Variants in CCDC178 observed in about 807,000 individuals in gnomAD.
The protein encoded by CCDC178 is coiled-coil domain-containing protein 178.
Under a neutral mutation model 117.4 loss-of-function variants are expected in CCDC178, and 126 were observed. That is an observed-to-expected ratio of 1.07 (90% CI 0.93 to 1.24). The LOEUF (loss-of-function observed/expected upper bound fraction) is 1.24. CCDC178 is among the 50% of genes most tolerant of loss of function. CCDC178 has a pLI of 0.00. For synonymous variants in CCDC178, 283 were observed against 313.4 expected (o/e 0.90, Z 1.02); for missense variants, 1,030 against 986.9 (o/e 1.04, Z -0.59).
chr18:32,986,150 G>C (rs1322276661), intron 21 of CCDC178, among the ~76,000 whole-genome samples: 1 of 152,018 alleles, frequency 6.6e-6, no homozygotes, highest in East Asian at 1.9e-4. Flanking sequence ...TCTGAAGAGT[G>C]CTTTAATTTT....
At chr18:33,194,289 G>A (rs1249540420) in intron 20 of CCDC178, among the ~76,000 whole-genome samples, 1 of 152,114 alleles carries the variant, frequency 6.6e-6, no homozygotes, top group African/African-American at 2.4e-5. Context: ...TTGCCACTTA[G>A]AGTAGTTATG....
intron 21 of CCDC178, among the ~76,000 whole-genome samples, chr18:32,996,192 A>G (rs1437261721): frequency 6.6e-6 from 1 of 151,956 alleles, no homozygotes; most frequent in African/African-American, 2.4e-5. Context: ...AAATCCTGAG[A>G]ACAGCATTAA....
chr18:33,408,246 T>TA (rs965537091), intron 3 of CCDC178, among the ~76,000 whole-genome samples: 23 of 151,422 alleles, frequency 1.5e-4, no homozygotes, highest in African/African-American at 5.3e-4. Context: ...TTACAAACCA[T>TA]AAAAAAAATT....
chr18:33,196,967 A>G (rs1422538107), intron 20 of CCDC178, among the ~76,000 whole-genome samples: 1 of 152,138 alleles, frequency 6.6e-6, no homozygotes, highest in African/African-American at 2.4e-5. Flanking sequence ...AAGTCACTTG[A>G]TCACAAAGTT....
At chr18:33,047,539 G>C (rs1399457093) in intron 21 of CCDC178, among the ~76,000 whole-genome samples, 1 of 152,106 alleles carries the variant, frequency 6.6e-6, no homozygotes, top group Non-Finnish European at 1.5e-5. Flanking sequence ...CCATCTGCCA[G>C]CAAGTTCTTT....
chr18:33,293,305 T>A lies in CCDC178; in HGVS notation c.1030A>T (p.Ile344Leu). ...EKTIEAYKRE[I>L]YQLNSLFDHY... ...TCAAATAGACTGTTAAGTTGATATATCTCTCTCCTAGGGATAAAAACACAG... is the reference window on the plus strand; with the variant it reads ...TCAAATAGACTGTTAAGTTGATATAACTCTCTCCTAGGGATAAAAACACAG... Residue 344 changes from isoleucine to leucine, a missense_variant, in exon 12 of 23, where the codon ATA (isoleucine) becomes TTA (leucine). By Grantham distance (5) the Ile-to-Leu change is conservative (BLOSUM62 2). Transcript: ENST00000383096. The A allele has an allele frequency of 6.7e-7, 1 of 1,493,984 alleles. No individual in the cohort carries two copies. Among genetic ancestry groups the A allele is most frequent in the Non-Finnish European group, 9.2e-7 (1 of 1,082,808 alleles). 92.5% of individuals were successfully genotyped at this position (1,493,984 alleles called of 1,614,324 possible).
chr18:33,026,459 T>C (rs1435176142), intron 21 of CCDC178, among the ~76,000 whole-genome samples: 1 of 152,034 alleles, frequency 6.6e-6, no homozygotes, highest in Non-Finnish European at 1.5e-5. Flanking sequence ...CTTTAAAAAA[T>C]AATAGTGCTC....
chr18:33,053,552 T>A (rs2056779955), intron 21 of CCDC178, among the ~76,000 whole-genome samples: 1 of 152,200 alleles, frequency 6.6e-6, no homozygotes. Flanking sequence ...AAATAAGAGT[T>A]TCCAGGGGTA....
chr18:33,397,047 A>G, intron 4 of CCDC178, 102 bp downstream of exon 4: 1 of 744,656 alleles, frequency 1.3e-6, no homozygotes. Flanking sequence ...TAGGAAGAAC[A>G]GAAGAATGCC....
chr18:33,283,766 G>A (rs76075300), intron 12 of CCDC178, among the ~76,000 whole-genome samples: 1 of 152,176 alleles, frequency 6.6e-6, no homozygotes, highest in Non-Finnish European at 1.5e-5. Context: ...ACAGATGCTG[G>A]TGAGATTGTG....
At chr18:32,951,933 G>T (rs972132715) in intron 22 of CCDC178, among the ~76,000 whole-genome samples, 2 of 152,148 alleles carry the variant, frequency 1.3e-5, no homozygotes, top group Non-Finnish European at 2.9e-5. Context: ...ATCCAATAGG[G>T]CAGTCATTAA....
chr18:33,080,673 T>C (rs2057282996), intron 21 of CCDC178, among the ~76,000 whole-genome samples: 1 of 152,204 alleles, frequency 6.6e-6, no homozygotes, highest in African/African-American at 2.4e-5. Flanking sequence ...CCTAGCAAAC[T>C]AATACAGTAG....
At chr18:33,126,752 G>T (rs563256624) in intron 20 of CCDC178, among the ~76,000 whole-genome samples, 1 of 151,834 alleles carries the variant, frequency 6.6e-6, no homozygotes, top group African/African-American at 2.4e-5. Flanking sequence ...TCTGCCTCCT[G>T]GGTTTAAGTG....
At chr18:32,980,953 G>A (rs886151034) in intron 21 of CCDC178, among the ~76,000 whole-genome samples, 2 of 152,120 alleles carry the variant, frequency 1.3e-5, no homozygotes, top group Non-Finnish European at 2.9e-5. Flanking sequence ...ACATACTCTA[G>A]ACTTGCTATA....
intron 22 of CCDC178, among the ~76,000 whole-genome samples, chr18:32,950,182 A>G (rs972314031): frequency 1.2e-4 from 18 of 152,216 alleles, no homozygotes; most frequent in African/African-American, 4.3e-4. Context: ...GTAAACCTCC[A>G]GAGAGAATCT....
intron 15 of CCDC178, among the ~76,000 whole-genome samples, chr18:33,229,267 C>T (rs931326922): frequency 3.3e-5 from 5 of 152,166 alleles, no homozygotes; most frequent in African/African-American, 1.2e-4. Flanking sequence ...GGTAGCAAGG[C>T]TATCATTCTA....
intron 12 of CCDC178, among the ~76,000 whole-genome samples, chr18:33,287,442 AT>A (rs1386539229): frequency 6.6e-6 from 1 of 152,198 alleles, no homozygotes; most frequent in Non-Finnish European, 1.5e-5. Context: ...TAATTAAAAA[AT>A]ATCACTAACC....
chr18:33,270,929 T>C (rs2059880576), intron 12 of CCDC178, among the ~76,000 whole-genome samples: 1 of 151,448 alleles, frequency 6.6e-6, no homozygotes, highest in South Asian at 2.1e-4. Flanking sequence ...AGTCACACAA[T>C]GTATAAAGAT....
intron 20 of CCDC178, among the ~76,000 whole-genome samples, chr18:33,160,728 T>A (rs1427344393): frequency 6.6e-6 from 1 of 152,122 alleles, no homozygotes; most frequent in African/African-American, 2.4e-5. Context: ...CAAAGAAGCA[T>A]CTTGGTTTAA....
Sources: allele counts gnomAD v4.1 joint callset (sites outside exome capture counted in the v4.1 genomes callset), GRCh38; gene constraint gnomAD v4.1.1; transcripts MANE v1.5; gene names NCBI Gene and HGNC (gene_info 2026-07-23, HGNC 2026-07-21).